Variants in ASAP1 observed in about 807,000 individuals in gnomAD.
ASAP1 encodes the protein ArfGAP with SH3 domain, ankyrin repeat and PH domain 1, also known as arf-GAP with SH3 domain, ANK repeat and PH domain-containing protein 1.
Under a neutral mutation model 145.2 loss-of-function variants are expected in ASAP1, and 43 were observed. That is an observed-to-expected ratio of 0.30 (90% CI 0.23 to 0.38). The LOEUF is 0.38. Ranked by LOEUF, ASAP1 falls within the 10% of genes least tolerant of loss-of-function variation. The pLI is 1.00. For synonymous variants in ASAP1, 546 were observed against 515.5 expected (o/e 1.06, Z -0.80); for missense variants, 1,018 against 1,355.3 (o/e 0.75, Z 3.91).
intron 27 of ASAP1, among the ~76,000 whole-genome samples, chr8:130,063,399 T>C (rs1278489257): frequency 6.6e-6 from 1 of 152,152 alleles, no homozygotes; most frequent in Non-Finnish European, 1.5e-5. Flanking sequence ...GCTTCAGGTA[T>C]TTAGACCCTG....
intron 1 of ASAP1, among the ~76,000 whole-genome samples, chr8:130,436,423 G>A (rs1830315140): frequency 1.3e-5 from 2 of 152,144 alleles, no homozygotes; most frequent in Non-Finnish European, 2.9e-5. Context: ...AGCCTCCCGA[G>A]TAGCTGGGAC....
At position 130,358,179 on chromosome 8, in the gene ASAP1, G is replaced by C. The variant is rs779220540; in HGVS notation, c.60-36C>G. The C allele has an allele frequency of 2.5e-6, 4 of 1,570,764 alleles. No individual in the cohort carries two copies. Among genetic ancestry groups the C allele is most frequent in the East Asian group, 4.7e-5 (2 of 42,914 alleles). On this transcript the variant is annotated intron_variant, in intron 2 of 29. Coordinates refer to ENST00000518721, the MANE Select transcript of ASAP1 (RefSeq NM_018482.4). This position sits in a 1 kb window ranked among gnomAD's most constrained non-coding sequence, Gnocchi z 4.1. ...GGACGAGACACAAGCGGGGGCGGGG[G>C]GTGAGTCACGGCGCAGGCTCCCGGG...
intron 3 of ASAP1, among the ~76,000 whole-genome samples, chr8:130,307,616 T>C (rs1823072137): frequency 6.6e-6 from 1 of 152,240 alleles, no homozygotes; most frequent in Non-Finnish European, 1.5e-5. Flanking sequence ...ATACACATCA[T>C]CTGCATAGTG....
chr8:130,238,916 T>C (rs934515354), intron 3 of ASAP1, among the ~76,000 whole-genome samples: 3 of 152,136 alleles, frequency 2.0e-5, no homozygotes, highest in African/African-American at 7.2e-5. Context: ...ACCATACCCA[T>C]CACCTACATT....
intron 2 of ASAP1, among the ~76,000 whole-genome samples, chr8:130,381,761 C>G (rs1175839891): frequency 2.0e-5 from 3 of 152,230 alleles, no homozygotes; most frequent in Admixed American, 2.0e-4. Context: ...CTTCTCACTA[C>G]AGCCCTGCTT....
At position 130,090,337 on chromosome 8, in the gene ASAP1, C is replaced by T. The variant is rs10096261; in HGVS notation, c.2572+1636G>A. Among the ~76,000 whole-genome samples, 1,149 of 152,246 alleles carry T rather than the reference C, an allele frequency of 7.5e-3. 8 individuals carry two copies. The highest frequency in any genetic ancestry group is 0.013 in the Non-Finnish European group (870 of 68,020). ...AAGGAGGTTAATTTGTGATATGAAA[C>T]GCTGATGTGAAACTTGTGACTTTCA... On this transcript the variant is annotated intron_variant, in intron 25 of 29. Coordinates refer to ENST00000518721, the MANE Select transcript of ASAP1 (RefSeq NM_018482.4).
At chr8:130,290,228 G>A (rs890591298) in intron 3 of ASAP1, among the ~76,000 whole-genome samples, 3 of 152,092 alleles carry the variant, frequency 2.0e-5, no homozygotes, top group African/African-American at 4.8e-5. Flanking sequence ...CTTAAGGCTC[G>A]CATATTCTAC....
chr8:130,347,526 T>TCTA (rs1468110936), intron 3 of ASAP1, among the ~76,000 whole-genome samples: 2 of 152,194 alleles, frequency 1.3e-5, no homozygotes, highest in Non-Finnish European at 2.9e-5. Flanking sequence ...AAGAACTGAA[T>TCTA]CTAGTCCCAG....
At chr8:130,361,574 G>A in intron 2 of ASAP1, 1 of 948,298 alleles carries the variant, frequency 1.1e-6, no homozygotes, top group South Asian at 1.4e-5. Flanking sequence ...GGCCAAGAAA[G>A]GAATATGCTC....
rs192511272 is a variant in ASAP1 at position 130,293,966 on chromosome 8, A to G, written c.187-56972T>C. Among the ~76,000 whole-genome samples the G allele has an allele frequency of 2.6e-3, 390 of 152,356 alleles. 6 individuals are homozygous for G. Among genetic ancestry groups the G allele is most frequent in the Admixed American group, 0.024 (364 of 15,306 alleles). Reference sequence around the variant, plus strand: ...ACTAATGCAATTTGAGCCTCTATGTAAGAGCCAAATACTCTGCTAATGTTT... The same window carrying G: ...ACTAATGCAATTTGAGCCTCTATGTGAGAGCCAAATACTCTGCTAATGTTT... On this transcript the variant is annotated intron_variant, in intron 3 of 29. Coordinates refer to ENST00000518721, the MANE Select transcript of ASAP1 (RefSeq NM_018482.4).
intron 2 of ASAP1, among the ~76,000 whole-genome samples, chr8:130,372,522 A>T (rs1419926932): frequency 1.3e-5 from 2 of 152,262 alleles, no homozygotes; most frequent in African/African-American, 4.8e-5. Flanking sequence ...CCCCAACAGC[A>T]GGTTGATACA....
intron 13 of ASAP1, among the ~76,000 whole-genome samples, chr8:130,148,039 A>G (rs940080570): frequency 6.6e-6 from 1 of 152,218 alleles, no homozygotes; most frequent in African/African-American, 2.4e-5. Context: ...GAACACTTGC[A>G]TTATCTTCAT....
Position 130,137,079 on chromosome 8 carries a change from ACT to A in ASAP1, c.1081-43_1081-42del, listed in dbSNP as rs1199956572. 1.9e-6 allele frequency: 3 copies of A among 1,542,276 alleles called. No homozygotes were observed. In the East Asian group the frequency reaches 6.7e-5, roughly 35 times the overall value. Reference sequence around the variant, plus strand: ...AAATGGAGAAGTTACATGCAGCTCCACTCTCTTGTCTGCAGGTTCAGTGCCCT... The same window carrying A: ...AAATGGAGAAGTTACATGCAGCTCCACTCTTGTCTGCAGGTTCAGTGCCCT... On this transcript the variant is annotated intron_variant, in intron 13 of 29. Transcript: ENST00000518721.
chr8:130,132,087 A>C (rs1350280631), intron 15 of ASAP1, among the ~76,000 whole-genome samples: 2 of 152,176 alleles, frequency 1.3e-5, no homozygotes, highest in Non-Finnish European at 2.9e-5. Context: ...AAATCGGAGA[A>C]GGAGAAACAA....
chr8:130,103,373 ATT>A (rs2097531989), intron 24 of ASAP1, among the ~76,000 whole-genome samples: 1 of 150,156 alleles, frequency 6.7e-6, no homozygotes, highest in African/African-American at 2.5e-5. Flanking sequence ...GCTTTTCTGT[ATT>A]GTCTTTTCAG....
intron 29 of ASAP1, among the ~76,000 whole-genome samples, chr8:130,057,692 T>C (rs2097407260): frequency 6.6e-6 from 1 of 152,176 alleles, no homozygotes; most frequent in African/African-American, 2.4e-5. Context: ...TCGAGATCCA[T>C]CCGCCTCAGC....
intron 13 of ASAP1, among the ~76,000 whole-genome samples, chr8:130,138,709 G>A (rs2097601428): frequency 6.6e-6 from 1 of 151,954 alleles, no homozygotes; most frequent in African/African-American, 2.4e-5. Flanking sequence ...GGTGTCGGGT[G>A]CCTGTAATCC....
At chr8:130,356,863 C>G (rs1289945104) in intron 3 of ASAP1, among the ~76,000 whole-genome samples, 1 of 152,188 alleles carries the variant, frequency 6.6e-6, no homozygotes, top group Non-Finnish European at 1.5e-5. Flanking sequence ...CCCCATATTA[C>G]AGAGGTCCGT....
At chr8:130,442,612 A>T (rs1830522775) in intron 1 of ASAP1, among the ~76,000 whole-genome samples, 1 of 152,146 alleles carries the variant, frequency 6.6e-6, no homozygotes, top group African/African-American at 2.4e-5. Flanking sequence ...GACAGGGGAA[A>T]ATGCGAGAGA....
Sources: gnomAD v4.1 joint callset for allele counts (sites outside exome capture counted in the v4.1 genomes callset) on GRCh38, gnomAD v4.1.1 for gene constraint, Gnocchi (gnomAD v3.1) non-coding constraint, MANE v1.5 for transcripts, NCBI Gene and HGNC (gene_info 2026-07-23, HGNC 2026-07-21) for gene names.